MCTP2: variants seen among roughly 807,000 people sequenced by gnomAD.
MCTP2 encodes the protein multiple C2 and transmembrane domain-containing protein 2.
In MCTP2, 132 loss-of-function variants were observed where a neutral mutation model predicts 111.6. That is an observed-to-expected ratio of 1.18 (90% CI 1.03 to 1.37). MCTP2 has a LOEUF of 1.37. Ranked by LOEUF, MCTP2 falls within the 40% of genes most tolerant of loss-of-function variation. The pLI is 0.00. For synonymous variants in MCTP2, 395 were observed against 387.7 expected, an observed-to-expected ratio of 1.02 and a Z score of -0.22; for missense variants, 1,183 against 1,067.9, an observed-to-expected ratio of 1.11 and a Z score of -1.50.
At chr15:94,407,521 T>C (rs2081959285) in intron 17 of MCTP2, among the ~76,000 whole-genome samples, 1 of 152,146 alleles carries the variant, frequency 6.6e-6, no homozygotes, top group Admixed American at 6.5e-5. Flanking sequence ...TATAGGGAAA[T>C]AAAGAATTTA....
chr15:94,242,947 A>G (rs544873478), intron 1 of MCTP2, among the ~76,000 whole-genome samples: 4 of 131,540 alleles, frequency 3.0e-5, no homozygotes, highest in African/African-American at 1.1e-4. Flanking sequence ...GTATATGTAG[A>G]TACACATATA....
intron 9 of MCTP2, among the ~76,000 whole-genome samples, chr15:94,357,979 T>C (rs2078722255): frequency 6.6e-6 from 1 of 152,204 alleles, no homozygotes; most frequent in African/African-American, 2.4e-5. Context: ...TCACTAACTT[T>C]GGATTTAAAA....
At position 94,340,289 on chromosome 15, in the gene MCTP2, A is replaced by G. The variant is rs74028586; in HGVS notation, c.857+14A>G. ...TGAGCTTAACAGGTACCGTATTTTT[A>G]CATTTTAATTGTTATTGATGAGTTT... is the stretch of plus-strand genomic sequence containing the variant. On this transcript the variant is annotated intron_variant, in intron 6 of 22. Coordinates refer to ENST00000357742, the MANE Select transcript of MCTP2 (RefSeq NM_001385001.1). 4.1e-3 allele frequency: 6,485 copies of G among 1,588,392 alleles called. 245 individuals carry two copies. In the African/African-American group the frequency reaches 0.077, roughly 19 times the overall value.
intron 17 of MCTP2, among the ~76,000 whole-genome samples, chr15:94,407,150 T>C (rs1368876953): frequency 6.6e-6 from 1 of 152,180 alleles, no homozygotes; most frequent in African/African-American, 2.4e-5. Context: ...TTATATTTTA[T>C]AAACCCCAAT....
At position 94,244,226 on chromosome 15, in the gene MCTP2, ATATT is replaced by A. The variant is rs1409955181; in HGVS notation, c.-66+12566_-66+12569del. Among the ~76,000 whole-genome samples, 886 of 135,212 alleles carry A rather than the reference ATATT, an allele frequency of 6.6e-3. 10 individuals carry two copies. Among genetic ancestry groups the A allele is most frequent in the African/African-American group, 0.022 (813 of 36,724 alleles). The allele number at this position is 135,212 out of a possible 152,430, so 88.7% of individuals were successfully genotyped here. A position where few individuals can be genotyped will look rare whatever the true frequency, so the allele number is the denominator to read the frequency against. On this transcript the variant is annotated intron_variant, in intron 1 of 22. Transcript: ENST00000357742. Reference sequence around the variant, plus strand: ...CGTGTATACACATACATATGTGTATATATTTATATACACGTGTATACACATATGT... The same window carrying A: ...CGTGTATACACATACATATGTGTATATATATACACGTGTATACACATATGT...
At chr15:94,263,420 A>G (rs888524059) in intron 1 of MCTP2, among the ~76,000 whole-genome samples, 1 of 152,200 alleles carries the variant, frequency 6.6e-6, no homozygotes, top group African/African-American at 2.4e-5. Context: ...ATTAATAGAT[A>G]ATGGTATTGT....
chr15:94,460,678 C>T (rs932324015), intron 20 of MCTP2, among the ~76,000 whole-genome samples: 16 of 152,180 alleles, frequency 1.1e-4, no homozygotes, highest in Admixed American at 2.0e-4. Flanking sequence ...GTGATTTAAA[C>T]AGGCTCCCAA....
At chr15:94,428,161 A>G (rs2082984284) in intron 17 of MCTP2, among the ~76,000 whole-genome samples, 1 of 152,130 alleles carries the variant, frequency 6.6e-6, no homozygotes, top group African/African-American at 2.4e-5. Flanking sequence ...TGTTTGAAGT[A>G]TATCTTTGAT....
intron 19 of MCTP2, 105 bp from the exon 20 acceptor site, chr15:94,458,032 C>G: frequency 1.5e-6 from 1 of 650,336 alleles, no homozygotes; most frequent in Non-Finnish European, 2.7e-6. Flanking sequence ...TCTTGTGTCA[C>G]TCTATTGGTA....
intron 1 of MCTP2, among the ~76,000 whole-genome samples, chr15:94,289,124 T>C (rs144776138): frequency 3.9e-5 from 6 of 152,260 alleles, no homozygotes; most frequent in Non-Finnish European, 5.9e-5. Flanking sequence ...GGCTGAAACA[T>C]TGATAGATTC....
chr15:94,341,488 G>A (rs1253712287), intron 7 of MCTP2: 3 of 152,186 alleles, frequency 2.0e-5, no homozygotes, highest in African/African-American at 7.2e-5. Context: ...TATTTTTAAA[G>A]CCAATTGAAG....
In MCTP2 at chr15:94,298,576, A is replaced by G. The variant is rs939187097; in HGVS notation, c.311A>G (p.Asp104Gly). Reference protein sequence around the residue: ...SSLKQSEEELDWSQEEASHLH... With the variant: ...SSLKQSEEELGWSQEEASHLH... ...TTGAAACAGTCTGAAGAAGAATTGG[A>G]TTGGAGCCAGGAAGAAGCCAGTCAC... Residue 104 changes from aspartate to glycine, a missense_variant, in exon 2 of 23, where the codon GAT becomes GGT. Coordinates refer to ENST00000357742, the MANE Select transcript of MCTP2 (RefSeq NM_001385001.1). The G allele has an allele frequency of 6.2e-7, 1 of 1,613,980 alleles. No individual in the cohort carries two copies. Among genetic ancestry groups the G allele is most frequent in the Admixed American group, 1.7e-5 (1 of 60,008 alleles).
chr15:94,354,004 A>G (rs186212652), intron 8 of MCTP2, among the ~76,000 whole-genome samples: 1 of 133,410 alleles, frequency 7.5e-6, no homozygotes, highest in East Asian at 2.1e-4. Context: ...GGAATATGTT[A>G]TTTTTATATA....
chr15:94,289,446 G>A (rs1187092810), intron 1 of MCTP2, among the ~76,000 whole-genome samples: 1 of 152,086 alleles, frequency 6.6e-6, no homozygotes, highest in Non-Finnish European at 1.5e-5. Flanking sequence ...GGAGGCAGCA[G>A]ACCTGACACA....
chr15:94,329,411 G>A (rs113656586), intron 4 of MCTP2, among the ~76,000 whole-genome samples: 30 of 152,086 alleles, frequency 2.0e-4, no homozygotes, highest in African/African-American at 7.2e-4. Context: ...ATAAAGAGCC[G>A]TCATTGACGC....
chr15:94,391,369 T>A (rs7171527), intron 14 of MCTP2, among the ~76,000 whole-genome samples: 1 of 151,926 alleles, frequency 6.6e-6, no homozygotes, highest in East Asian at 1.9e-4. Context: ...AATACAGAAA[T>A]TTTTGCCCAT....
At chr15:94,253,235 C>T (rs1235593250) in intron 1 of MCTP2, among the ~76,000 whole-genome samples, 1 of 152,174 alleles carries the variant, frequency 6.6e-6, no homozygotes, top group Non-Finnish European at 1.5e-5. Flanking sequence ...TCAGATTTTG[C>T]TCTGAACTCC....
In MCTP2 at chr15:94,447,551, C is replaced by T. The variant is rs57772188; in HGVS notation, c.2250+4591C>T. On this transcript the variant is annotated intron_variant, in intron 19 of 22. Transcript: ENST00000357742. ...TTGAGACTACAGCCATGTGCCACCA[C>T]ACTGCATTAGAGATAGGGTTTTACC... Among the ~76,000 whole-genome samples the T allele has an allele frequency of 6.7e-3, 1,017 of 152,236 alleles. 15 individuals carry two copies. Among genetic ancestry groups the T allele is most frequent in the African/African-American group, 0.023 (961 of 41,540 alleles).
At chr15:94,356,930 C>G (rs1596462004) in intron 9 of MCTP2, among the ~76,000 whole-genome samples, 1 of 152,042 alleles carries the variant, frequency 6.6e-6, no homozygotes, top group East Asian at 1.9e-4. Flanking sequence ...AAACTATAGT[C>G]CCTAAAGCGT....
Sources: allele counts gnomAD v4.1 joint callset (sites outside exome capture counted in the v4.1 genomes callset), GRCh38; gene constraint gnomAD v4.1.1; transcripts MANE v1.5; gene names NCBI Gene and HGNC (gene_info 2026-07-23, HGNC 2026-07-21).